Variants in STXBP5 observed in about 807,000 individuals in gnomAD.
The protein encoded by STXBP5 is syntaxin binding protein 5.
Under a neutral mutation model 152.4 loss-of-function variants are expected in STXBP5, and 50 were observed. That is an observed-to-expected ratio of 0.33 (90% CI 0.26 to 0.42). STXBP5 has a LOEUF of 0.42. Ranked by LOEUF, STXBP5 falls within the 10% of genes least tolerant of loss-of-function variation. The probability of loss-of-function intolerance (pLI) is 1.00; values close to 1 mark genes in which losing one functional copy is unlikely to be tolerated. For missense variants in STXBP5, 1,167 were observed against 1,388.6 expected, an observed-to-expected ratio of 0.84 and a Z score of 2.54; for synonymous variants, 492 against 494.7, an observed-to-expected ratio of 0.99 and a Z score of 0.07.
intron 14 of STXBP5, among the ~76,000 whole-genome samples, chr6:147,314,912 A>G (rs936653611): frequency 1.3e-5 from 2 of 152,130 alleles, no homozygotes; most frequent in Non-Finnish European, 2.9e-5. Flanking sequence ...GGAAGTGGGA[A>G]TGTGTTCCAA....
chr6:147,339,944 C>T (rs1784016797), intron 21 of STXBP5, among the ~76,000 whole-genome samples: 1 of 151,878 alleles, frequency 6.6e-6, no homozygotes. Flanking sequence ...ATGAATTGCT[C>T]AGTCCAAAGT....
chr6:147,382,339 A>G (rs1355429663), intron 26 of STXBP5, among the ~76,000 whole-genome samples: 1 of 152,198 alleles, frequency 6.6e-6, no homozygotes, highest in African/African-American at 2.4e-5. Context: ...GCCTAAGCAC[A>G]GTATATTTTT....
At chr6:147,358,502 A>G (rs966726592) in intron 22 of STXBP5, among the ~76,000 whole-genome samples, 1 of 152,182 alleles carries the variant, frequency 6.6e-6, no homozygotes. Context: ...ATTTATTAGC[A>G]TAAAAGTAAA....
At chr6:147,311,395 A>G (rs1782367609) in intron 10 of STXBP5, 60 bp from the exon 11 acceptor site, 9 of 1,347,584 alleles carry the variant, frequency 6.7e-6, no homozygotes, top group Non-Finnish European at 9.5e-6. Context: ...AGAAACATTT[A>G]TCTAATTTGC....
rs114107018 is a variant in STXBP5, at chr6:147,283,481, A to G, written c.838+5277A>G. On this transcript the variant is annotated intron_variant, in intron 8 of 27. Transcript: ENST00000321680. ...AGACCATGATTTAAAGGCGAAGGATATGATACAGGAGGAGAAAGAGAATGC... is the reference window on the plus strand; with the variant it reads ...AGACCATGATTTAAAGGCGAAGGATGTGATACAGGAGGAGAAAGAGAATGC... 2.5e-3 allele frequency among the ~76,000 whole-genome samples: 379 copies of G among 152,310 alleles called. 5 individuals carry two copies. The highest frequency in any genetic ancestry group is 8.2e-3 in the African/African-American group (343 of 41,576).
intron 18 of STXBP5, among the ~76,000 whole-genome samples, chr6:147,332,365 G>A (rs978177500): frequency 1.3e-5 from 2 of 152,188 alleles, no homozygotes; most frequent in Non-Finnish European, 1.5e-5. Flanking sequence ...AAAAGTACTT[G>A]AAGGAGGATT....
At chr6:147,240,007 A>G (rs1778459788) in intron 4 of STXBP5, among the ~76,000 whole-genome samples, 1 of 149,886 alleles carries the variant, frequency 6.7e-6, no homozygotes. Context: ...CAGTGGCATG[A>G]TCTGGGCTCA....
intron 9 of STXBP5, among the ~76,000 whole-genome samples, chr6:147,301,151 A>G (rs1269083442): frequency 2.0e-5 from 3 of 152,092 alleles, no homozygotes; most frequent in Non-Finnish European, 1.5e-5. Context: ...ACAAAAGATA[A>G]AAGTGTTAGT....
intron 7 of STXBP5, among the ~76,000 whole-genome samples, chr6:147,277,867 AAAGT>A (rs1245782120): frequency 1.3e-5 from 2 of 152,282 alleles, no homozygotes; most frequent in East Asian, 1.9e-4. Flanking sequence ...TTTAAGGAGT[AAAGT>A]AAGTACAGAG....
chr6:147,308,940 G>T (rs1782233109), intron 9 of STXBP5, among the ~76,000 whole-genome samples: 1 of 152,070 alleles, frequency 6.6e-6, no homozygotes, highest in South Asian at 2.1e-4. Flanking sequence ...GATGTGCTGA[G>T]CCAGGCACTG....
chr6:147,330,215 G>A (rs1434166272), intron 18 of STXBP5, among the ~76,000 whole-genome samples: 2 of 152,058 alleles, frequency 1.3e-5, no homozygotes, highest in African/African-American at 4.8e-5. Flanking sequence ...AAAATGAACT[G>A]TAGGATAATA....
chr6:147,333,772 C>A, intron 18 of STXBP5, among the ~76,000 whole-genome samples: 1 of 152,192 alleles, frequency 6.6e-6, no homozygotes, highest in Non-Finnish European at 1.5e-5. Context: ...GATGTGACAC[C>A]TGACTTCTGA....
At chr6:147,370,942 G>C (rs1235575733) in intron 25 of STXBP5, among the ~76,000 whole-genome samples, 1 of 151,894 alleles carries the variant, frequency 6.6e-6, no homozygotes, top group East Asian at 1.9e-4. Flanking sequence ...CTAATGTATG[G>C]ATAACCAAAG....
rs1783175534 is a variant in STXBP5 at position 147,325,079 on chromosome 6, T to C, written c.1923T>C (p.Tyr641=). The C allele has an allele frequency of 6.5e-7, 1 of 1,536,908 alleles. No individual in the cohort carries two copies. Among genetic ancestry groups the C allele is most frequent in the Non-Finnish European group, 8.8e-7 (1 of 1,138,158 alleles). The change falls in exon 17 of 28, where the codon TAT becomes TAC. Residue 641 remains tyrosine, a synonymous_variant. Coordinates refer to ENST00000321680, the MANE Select transcript of STXBP5 (RefSeq NM_001127715.4). ...CCAGCCTGGCAGTCAATTCTTCCTA[T>C]GGACTGTAAGTATAAGTTACGTTTT... ...QITSLAVNSS[Y]GLVVFGNCNG...
chr6:147,339,123 C>A, intron 19 of STXBP5, 56 bp from the exon 20 acceptor site: 1 of 1,378,650 alleles, frequency 7.3e-7, no homozygotes, highest in Non-Finnish European at 9.8e-7. Context: ...CTTGTTACAG[C>A]TCAGTATTTA....
chr6:147,273,486 A>C (rs564025977), intron 7 of STXBP5, among the ~76,000 whole-genome samples: 1 of 152,284 alleles, frequency 6.6e-6, no homozygotes. Context: ...ATTCTTTGTC[A>C]TATGTCTAGG....
intron 2 of STXBP5, among the ~76,000 whole-genome samples, chr6:147,230,577 A>G (rs1777950326): frequency 1.3e-5 from 2 of 151,928 alleles, no homozygotes; most frequent in South Asian, 4.1e-4. Context: ...TTATAAATAT[A>G]TGTTCCTTTT....
At chr6:147,357,580 G>A (rs1355812768) in intron 22 of STXBP5, among the ~76,000 whole-genome samples, 1 of 152,128 alleles carries the variant, frequency 6.6e-6, no homozygotes, top group Non-Finnish European at 1.5e-5. Context: ...TTAGTAGTGA[G>A]ATGCTGCGGG....
Position 147,373,677 on chromosome 6 carries a change from T to A in STXBP5, c.3082-54T>A, listed in dbSNP as rs897819903. 7.0e-5 allele frequency: 92 copies of A among 1,323,716 alleles called. No homozygotes were observed. In the Admixed American group the frequency reaches 1.6e-3, roughly 22 times the overall value. The allele number at this position is 1,323,716 out of a possible 1,614,324, so 82.0% of individuals were successfully genotyped here. A position where few individuals can be genotyped will look rare whatever the true frequency, so the allele number is the denominator to read the frequency against. On this transcript the variant is annotated intron_variant, in intron 25 of 27. Transcript: ENST00000321680. ...AGTTTACAGTGATACTTTTGTTCAT[T>A]ATAGTTTAGTTTCCCTGAAATTTCA...
Sources: gnomAD v4.1 joint callset for allele counts (sites outside exome capture counted in the v4.1 genomes callset) on GRCh38, gnomAD v4.1.1 for gene constraint, MANE v1.5 for transcripts, NCBI Gene and HGNC (gene_info 2026-07-23, HGNC 2026-07-21) for gene names.